Variants in CNTNAP2 observed in about 807,000 individuals in gnomAD.
CNTNAP2 encodes the protein contactin associated protein 2.
Under a neutral mutation model 155.2 loss-of-function variants are expected in CNTNAP2, and 98 were observed. That is an observed-to-expected ratio of 0.63 (90% CI 0.54 to 0.75). The LOEUF (loss-of-function observed/expected upper bound fraction) is 0.75. Among genes scored for constraint, CNTNAP2 ranks in the 30% least tolerant of loss-of-function variants. The pLI, the probability that CNTNAP2 is intolerant of heterozygous loss-of-function variation, is 0.00. For missense variants in CNTNAP2, 1,727 were observed against 1,688.1 expected, an observed-to-expected ratio of 1.02 and a Z score of -0.40; for synonymous variants, 651 against 631.2, an observed-to-expected ratio of 1.03 and a Z score of -0.47.
At chr7:147,875,832 G>T (rs1799412318) in intron 13 of CNTNAP2, among the ~76,000 whole-genome samples, 1 of 152,162 alleles carries the variant, frequency 6.6e-6, no homozygotes, top group African/African-American at 2.4e-5. Flanking sequence ...GATGTTTTCA[G>T]CATCAGATTA....
At position 146,440,054 on chromosome 7, in the gene CNTNAP2, G is replaced by A. The variant is rs188608863; in HGVS notation, c.97+323081G>A. On this transcript the variant is annotated intron_variant, in intron 1 of 23. Coordinates refer to ENST00000361727, the MANE Select transcript of CNTNAP2 (RefSeq NM_014141.6). ...CAGGAGAATCGCTTGAACCCGGGAGGCAGAGGTTGCAGTGAGCTGAGGTTG... is the reference window on the plus strand; with the variant it reads ...CAGGAGAATCGCTTGAACCCGGGAGACAGAGGTTGCAGTGAGCTGAGGTTG... 1.1e-3 allele frequency among the ~76,000 whole-genome samples: 165 copies of A among 151,742 alleles called. 7 individuals carry two copies. The East Asian group carries it at 0.025, about 23-fold the overall frequency.
At chr7:146,313,279 G>A (rs113353294) in intron 1 of CNTNAP2, among the ~76,000 whole-genome samples, 51 of 152,276 alleles carry the variant, frequency 3.3e-4, no homozygotes, top group African/African-American at 1.2e-3. Flanking sequence ...ATCCCACTGT[G>A]GCTTTAATTT....
In CNTNAP2 at chr7:147,460,116, G is replaced by A. The variant is rs952659888; in HGVS notation, c.1671-25819G>A. ...TGTAACAAACCTGCACTTTCTGCAC[G>A]TGTATCCCAGAACTTAAAAAAAAAG... On this transcript the variant is annotated intron_variant, in intron 10 of 23. Transcript: ENST00000361727. Among the ~76,000 whole-genome samples, 8 of 151,870 alleles carry A rather than the reference G, an allele frequency of 5.3e-5. No individual in the cohort carries two copies. In the South Asian group the frequency reaches 6.2e-4, roughly 12 times the overall value.
At chr7:148,225,686 A>G (rs1795833763) in intron 19 of CNTNAP2, among the ~76,000 whole-genome samples, 1 of 152,178 alleles carries the variant, frequency 6.6e-6, no homozygotes, top group Non-Finnish European at 1.5e-5. Context: ...AGAAAGGACA[A>G]AAGCTAGTAT....
At chr7:147,630,316 TAAAAAAAAAAA>T (rs71183024) in intron 12 of CNTNAP2, among the ~76,000 whole-genome samples, 1 of 73,078 alleles carries the variant, frequency 1.4e-5, no homozygotes, top group Admixed American at 1.4e-4. Context: ...GAAACAGTAG[TAAAAAAAAAAA>T]AAAAAAAAAA....
intron 17 of CNTNAP2, among the ~76,000 whole-genome samples, chr7:148,151,486 G>A (rs562092165): frequency 6.2e-4 from 94 of 151,948 alleles, no homozygotes; most frequent in African/African-American, 2.1e-3. Context: ...TGTACAGAAA[G>A]GGTTTCACCA....
chr7:146,454,247 C>T (rs1047186462), intron 1 of CNTNAP2, among the ~76,000 whole-genome samples: 5 of 151,874 alleles, frequency 3.3e-5, no homozygotes, highest in Non-Finnish European at 5.9e-5. Context: ...TTTTTTAAAC[C>T]TTAGATCTGT....
At chr7:147,932,276 GA>G (rs1800520164) in intron 14 of CNTNAP2, among the ~76,000 whole-genome samples, 1 of 152,262 alleles carries the variant, frequency 6.6e-6, no homozygotes, top group South Asian at 2.1e-4. Flanking sequence ...TTGAGAAAAA[GA>G]ACAAAGCTGG....
chr7:147,395,937 T>A (rs1259849704), intron 10 of CNTNAP2, among the ~76,000 whole-genome samples, 157 bp downstream of exon 10: 3 of 151,380 alleles, frequency 2.0e-5, no homozygotes, highest in African/African-American at 7.3e-5. Context: ...ACTTGTGATA[T>A]TAGCAGTGAT....
intron 1 of CNTNAP2, among the ~76,000 whole-genome samples, chr7:146,437,661 T>C (rs1242772044): frequency 1.3e-5 from 2 of 151,650 alleles, no homozygotes; most frequent in Admixed American, 6.6e-5. Context: ...AAAATAATTG[T>C]ACATCAAAAT....
At chr7:147,114,622 A>G (rs1476480826) in intron 5 of CNTNAP2, among the ~76,000 whole-genome samples, 1 of 152,192 alleles carries the variant, frequency 6.6e-6, no homozygotes, top group Non-Finnish European at 1.5e-5. Flanking sequence ...GTCAGAAACT[A>G]CAATTGCAAC....
intron 3 of CNTNAP2, among the ~76,000 whole-genome samples, chr7:146,890,274 T>A (rs556495135): frequency 7.2e-5 from 11 of 152,222 alleles, no homozygotes; most frequent in Non-Finnish European, 1.3e-4. Flanking sequence ...TATTTCACTC[T>A]CTTCAAAGTA....
In CNTNAP2 at chr7:147,556,107, G is replaced by A. The variant is rs572316842; in HGVS notation, c.1778-6031G>A. 2.6e-5 allele frequency among the ~76,000 whole-genome samples: 4 copies of A among 152,148 alleles called. 1 individual carries two copies. Among genetic ancestry groups the A allele is most frequent in the South Asian group, 4.2e-4 (2 of 4,818 alleles). ...TCGTCTGCTTGGGCCATGGTGTTTC[G>A]TATTCTACTGGTAGACATAACCTTC... On this transcript the variant is annotated intron_variant, in intron 11 of 23. Coordinates refer to ENST00000361727, the MANE Select transcript of CNTNAP2 (RefSeq NM_014141.6).
intron 13 of CNTNAP2, among the ~76,000 whole-genome samples, chr7:147,768,715 T>C (rs926790987): frequency 2.6e-5 from 4 of 152,048 alleles, no homozygotes; most frequent in Non-Finnish European, 5.9e-5. Flanking sequence ...AGGCAATTCA[T>C]CTTTAATGGC....
At position 148,415,899 on chromosome 7, in the gene CNTNAP2, C is replaced by G; in HGVS notation, c.*283C>G. On this transcript the variant is annotated 3_prime_UTR_variant, in exon 24 of 24. Transcript: ENST00000361727. ...AATGGTTGAAATTTGTAGGTACTAT[C>G]TGTCTTATTTTGTGTGTGTTTAGAG... 1 of 530,820 alleles carries G rather than the reference C, an allele frequency of 1.9e-6. No homozygotes were observed. Among genetic ancestry groups the G allele is most frequent in the East Asian group, 3.2e-5 (1 of 30,778 alleles). 32.9% of individuals were successfully genotyped at this position (530,820 alleles called of 1,614,324 possible).
intron 10 of CNTNAP2, among the ~76,000 whole-genome samples, chr7:147,474,937 T>C (rs527254477): frequency 6.6e-6 from 1 of 152,280 alleles, no homozygotes; most frequent in South Asian, 2.1e-4. Context: ...CAATTCACTA[T>C]TCACACAACA....
chr7:147,987,978 AGCCACCAC>A (rs1767243804), intron 15 of CNTNAP2, among the ~76,000 whole-genome samples: 1 of 152,142 alleles, frequency 6.6e-6, no homozygotes, highest in Non-Finnish European at 1.5e-5. Context: ...TACATGCATG[AGCCACCAC>A]GCCTGGCAGG....
intron 8 of CNTNAP2, among the ~76,000 whole-genome samples, chr7:147,244,346 T>C (rs1309265926): frequency 6.6e-6 from 1 of 152,206 alleles, no homozygotes; most frequent in Non-Finnish European, 1.5e-5. Flanking sequence ...AAAATGACGT[T>C]TCTTTGCAAG....
In CNTNAP2 at chr7:146,973,851, A is replaced by G. The variant is rs573359672; in HGVS notation, c.403-70056A>G. On this transcript the variant is annotated intron_variant, in intron 3 of 23. Coordinates refer to ENST00000361727, the MANE Select transcript of CNTNAP2 (RefSeq NM_014141.6). The stretch of plus-strand genomic sequence containing the variant: ...ATTTCCAAGGTGATCCCCCTTTTCT[A>G]AAAGAAATAATCATAATCTCTTCCC... Among the ~76,000 whole-genome samples, 9 of 152,274 alleles carry G rather than the reference A, an allele frequency of 5.9e-5. No individual in the cohort carries two copies. In the South Asian group the frequency reaches 1.7e-3, roughly 28 times the overall value.
Sources: allele counts gnomAD v4.1 joint callset (sites outside exome capture counted in the v4.1 genomes callset), GRCh38; gene constraint gnomAD v4.1.1; transcripts MANE v1.5; gene names NCBI Gene and HGNC (gene_info 2026-07-23, HGNC 2026-07-21).